MAP4K3: variants seen among roughly 807,000 people sequenced by gnomAD.
The protein encoded by MAP4K3 is mitogen-activated protein kinase kinase kinase kinase 3, also known as MAPK/ERK kinase kinase kinase 3.
A neutral mutation model predicts 143.5 loss-of-function variants in MAP4K3; 94 were observed. The ratio of observed to expected loss-of-function variants is 0.65; its 90% CI spans 0.55 to 0.78. MAP4K3 has a LOEUF of 0.78. Among genes scored for constraint, MAP4K3 ranks in the 30% least tolerant of loss-of-function variants. The pLI, the probability that MAP4K3 is intolerant of heterozygous loss-of-function variation, is 0.00. For missense variants in MAP4K3, 1,077 were observed against 1,068.1 expected (o/e 1.01, Z -0.12); for synonymous variants, 416 against 347.2 (o/e 1.20, Z -2.20).
At chr2:39,378,670 G>A (rs1283216820) in intron 1 of MAP4K3, among the ~76,000 whole-genome samples, 1 of 151,978 alleles carries the variant, frequency 6.6e-6, no homozygotes, top group African/African-American at 2.4e-5. Context: ...TAACACAATT[G>A]TGTATATAAT....
At chr2:39,280,228 T>A in intron 23 of MAP4K3, 44 bp downstream of exon 23, 2 of 1,171,108 alleles carry the variant, frequency 1.7e-6, no homozygotes, top group Non-Finnish European at 2.4e-6. Flanking sequence ...TGGCCCCAGT[T>A]TTAAAAAATT....
Position 39,325,718 on chromosome 2 carries a change from CA to C in MAP4K3, c.807+11del. ...TGAAATATATATATATATTTCAGGG[CA>C]AAAATAATACCTGTAATAATTTTTC... On this transcript the variant is annotated intron_variant, in intron 11 of 33. Coordinates refer to ENST00000263881, the MANE Select transcript of MAP4K3 (RefSeq NM_003618.4). 6.3e-7 allele frequency: 1 copy of C among 1,592,000 alleles called. No individual in the cohort carries two copies. The highest frequency in any genetic ancestry group is 8.6e-7 in the Non-Finnish European group (1 of 1,165,926).
chr2:39,363,992 T>TAAAA (rs70957104), intron 2 of MAP4K3, among the ~76,000 whole-genome samples: 23 of 128,758 alleles, frequency 1.8e-4, no homozygotes, highest in East Asian at 6.5e-4. Context: ...ATAGCCATTA[T>TAAAA]AAAAAAAAAA....
At chr2:39,308,858 A>G (rs1194736983) in intron 14 of MAP4K3, among the ~76,000 whole-genome samples, 1 of 152,098 alleles carries the variant, frequency 6.6e-6, no homozygotes, top group Admixed American at 6.6e-5. Context: ...CTAATTTTCA[A>G]TACTCTATAC....
At chr2:39,351,900 A>T (rs1573186502) in intron 3 of MAP4K3, among the ~76,000 whole-genome samples, 2 of 152,102 alleles carry the variant, frequency 1.3e-5, no homozygotes, top group Admixed American at 1.3e-4. Context: ...CAAACTCCTG[A>T]CCTCAGATGA....
intron 31 of MAP4K3, 132 bp from the exon 32 acceptor site, chr2:39,254,652 C>A: frequency 3.3e-6 from 2 of 610,048 alleles, no homozygotes; most frequent in Non-Finnish European, 5.8e-6. Context: ...ATTTATATGG[C>A]ATCTTTACAT....
chr2:39,387,986 T>A (rs1666555221), intron 1 of MAP4K3, among the ~76,000 whole-genome samples: 1 of 152,158 alleles, frequency 6.6e-6, no homozygotes, highest in Non-Finnish European at 1.5e-5. Context: ...AATCTGTGAG[T>A]GATAAAAGAG....
At chr2:39,292,627 G>A (rs1241965015) in intron 18 of MAP4K3, 146 bp downstream of exon 18, 2 of 714,504 alleles carry the variant, frequency 2.8e-6, no homozygotes, top group African/African-American at 3.6e-5. Flanking sequence ...AATGTAACTA[G>A]AATAGAAAAA....
At chr2:39,419,093 A>T (rs1188496491) in intron 1 of MAP4K3, among the ~76,000 whole-genome samples, 1 of 152,222 alleles carries the variant, frequency 6.6e-6, no homozygotes, top group Non-Finnish European at 1.5e-5. Flanking sequence ...TTTATTTTTT[A>T]AAAATCTTAT....
intron 5 of MAP4K3, 106 bp from the exon 6 acceptor site, chr2:39,337,073 T>C (rs1664989851): frequency 1.8e-6 from 1 of 569,554 alleles, no homozygotes; most frequent in African/African-American, 2.0e-5. Context: ...ATTTAATCTT[T>C]ACAGGAGATC....
intron 2 of MAP4K3, among the ~76,000 whole-genome samples, chr2:39,367,275 C>G (rs888813376): frequency 6.6e-6 from 1 of 152,218 alleles, no homozygotes; most frequent in African/African-American, 2.4e-5. Flanking sequence ...GGCACAGTGG[C>G]TCACACCTGT....
chr2:39,263,035 T>G (rs1680628487), intron 28 of MAP4K3, among the ~76,000 whole-genome samples: 1 of 151,654 alleles, frequency 6.6e-6, no homozygotes, highest in African/African-American at 2.4e-5. Context: ...GAGGGTGCAG[T>G]GAGCTGAGAT....
intron 1 of MAP4K3, among the ~76,000 whole-genome samples, chr2:39,393,974 C>A (rs954315773): frequency 5.9e-5 from 9 of 152,112 alleles, no homozygotes; most frequent in African/African-American, 2.2e-4. Flanking sequence ...ATGAGAACGA[C>A]ATACATATGC....
rs551403756 is a variant in MAP4K3, at chr2:39,436,617, T to C, written c.96+275A>G. 1,052 of 484,914 alleles carry C rather than the reference T, an allele frequency of 2.2e-3. 2 individuals are homozygous for C. Among genetic ancestry groups the C allele is most frequent in the Non-Finnish European group, 2.8e-3 (754 of 266,876 alleles). 30.0% of individuals were successfully genotyped at this position (484,914 alleles called of 1,614,324 possible). A position where few individuals can be genotyped will look rare whatever the true frequency, so the allele number is the denominator to read the frequency against. On this transcript the variant is annotated intron_variant, in intron 1 of 33. Coordinates refer to ENST00000263881, the MANE Select transcript of MAP4K3 (RefSeq NM_003618.4). ...TATGGATGAGCAGTGTGGCCTGCTC[T>C]CGTTCTGCCCTTCCCTGGAAATGCG...
intron 24 of MAP4K3, 21 bp downstream of exon 24, chr2:39,278,386 A>G (rs80190205): frequency 4.9e-6 from 7 of 1,430,678 alleles, no homozygotes; most frequent in African/African-American, 4.3e-5. Context: ...AAAAAAAAAA[A>G]GAATATACAA....
chr2:39,367,164 T>G (rs1374187201), intron 2 of MAP4K3, among the ~76,000 whole-genome samples: 1 of 152,264 alleles, frequency 6.6e-6, no homozygotes, highest in Non-Finnish European at 1.5e-5. Flanking sequence ...AAGTATCACT[T>G]ACATTTACAT....
At chr2:39,381,021 C>G (rs1436612133) in intron 1 of MAP4K3, among the ~76,000 whole-genome samples, 3 of 152,194 alleles carry the variant, frequency 2.0e-5, no homozygotes, top group African/African-American at 4.8e-5. Flanking sequence ...CTTTCCATCT[C>G]TATGGATTTG....
chr2:39,427,263 G>A lies in MAP4K3; in HGVS notation c.96+9629C>T, dbSNP rs189056774. 8.7e-4 allele frequency among the ~76,000 whole-genome samples: 132 copies of A among 152,046 alleles called. 1 individual carries two copies. The highest frequency in any genetic ancestry group is 2.4e-3 in the Admixed American group (37 of 15,280). On this transcript the variant is annotated intron_variant, in intron 1 of 33. Coordinates refer to ENST00000263881, the MANE Select transcript of MAP4K3 (RefSeq NM_003618.4). Reference sequence around the variant, plus strand: ...AGTAAAGACAAAATAAAGACAATGAGGAGGGGGAGGAGGAAGACTGAGTTT... The same window carrying A: ...AGTAAAGACAAAATAAAGACAATGAAGAGGGGGAGGAGGAAGACTGAGTTT...
Position 39,392,961 on chromosome 2 carries a change from A to G in MAP4K3, c.97-14838T>C, listed in dbSNP as rs892683480. 3.9e-5 allele frequency among the ~76,000 whole-genome samples: 6 copies of G among 152,338 alleles called. No homozygotes were observed. In the East Asian group the frequency reaches 1.2e-3, roughly 29 times the overall value. On this transcript the variant is annotated intron_variant, in intron 1 of 33. Transcript: ENST00000263881. Reference sequence around the variant, plus strand: ...ATTACCCAGTCTCAGGTATTCCATTATAACAGAATAAAGGGGACTAAGCCA... The same window carrying G: ...ATTACCCAGTCTCAGGTATTCCATTGTAACAGAATAAAGGGGACTAAGCCA...
Sources: gnomAD v4.1 joint callset for allele counts (sites outside exome capture counted in the v4.1 genomes callset) on GRCh38, gnomAD v4.1.1 for gene constraint, MANE v1.5 for transcripts, NCBI Gene and HGNC (gene_info 2026-07-23, HGNC 2026-07-21) for gene names.